The following MOG variants were observed in gnomAD, a reference collection of about 807,000 sequenced individuals.
MOG encodes the protein myelin oligodendrocyte glycoprotein.
A neutral mutation model predicts 35.9 loss-of-function variants in MOG; 20 were observed. That is an observed-to-expected ratio of 0.56 (90% CI 0.39 to 0.81). The LOEUF (loss-of-function observed/expected upper bound fraction) is 0.81, where lower values mean the gene tolerates loss of function less well. MOG is among the 30% of genes least tolerant of loss of function. MOG has a pLI of 0.00. For missense variants in MOG, 251 were observed against 301.0 expected (o/e 0.83, Z 1.23); for synonymous variants, 92 against 114.3 (o/e 0.80, Z 1.25).
At chr6:29,664,541 C>T (rs2256266) in intron 2 of MOG, 85,213 of 416,250 alleles carry the variant, frequency 0.2, 9,966 homozygotes, top group East Asian at 0.27. Flanking sequence ...GAAGAGGGCT[C>T]TTAACCTTTT....
intron 2 of MOG, chr6:29,661,511 A>T (rs1768727918): frequency 1.0e-6 from 1 of 985,146 alleles, no homozygotes. Flanking sequence ...AAACTCCCTC[A>T]GTTTCACCAC....
chr6:29,669,206 C>T (rs142289880), intron 5 of MOG, among the ~76,000 whole-genome samples: 1 of 151,890 alleles, frequency 6.6e-6, no homozygotes, highest in Admixed American at 6.6e-5. Context: ...CGGGCATGAG[C>T]CACCGTGCCC....
At chr6:29,669,480 G>A (rs570210297) in intron 5 of MOG, among the ~76,000 whole-genome samples, 152 of 144,588 alleles carry the variant, frequency 1.1e-3, no homozygotes, top group African/African-American at 3.8e-3. Flanking sequence ...TAGTAGAGAC[G>A]GGGTTTCACC....
At chr6:29,658,958 A>G (rs1023721202) in intron 1 of MOG, among the ~76,000 whole-genome samples, 1 of 152,136 alleles carries the variant, frequency 6.6e-6, no homozygotes, top group Admixed American at 6.5e-5. Flanking sequence ...CTAAAAATAC[A>G]AAAATTAGCT....
At chr6:29,663,030 G>A (rs1402696446) in intron 2 of MOG, among the ~76,000 whole-genome samples, 1 of 152,012 alleles carries the variant, frequency 6.6e-6, no homozygotes, top group Non-Finnish European at 1.5e-5. Context: ...AGTACTTTGG[G>A]AGCCCAAGGA....
At chr6:29,658,430 T>C (rs1417681662) in intron 1 of MOG, among the ~76,000 whole-genome samples, 1 of 152,064 alleles carries the variant, frequency 6.6e-6, no homozygotes, top group Non-Finnish European at 1.5e-5. Flanking sequence ...AGGTGGAAGA[T>C]ACAGGGGAAG....
At chr6:29,671,013 C>T in intron 7 of MOG, 159 bp from the exon 8 acceptor site, 1 of 1,611,878 alleles carries the variant, frequency 6.2e-7, no homozygotes, top group Non-Finnish European at 8.5e-7. Flanking sequence ...TCTCATTGCC[C>T]ATTCCACAGC....
At chr6:29,667,740 C>A (rs926827) in intron 4 of MOG, 77 bp downstream of exon 4, 2 of 1,576,778 alleles carry the variant, frequency 1.3e-6, no homozygotes, top group Admixed American at 3.3e-5. Context: ...CGTTCTTGGA[C>A]CGTCTCTCCC....
In MOG at chr6:29,670,678, T is replaced by C. The variant is rs1323715144; in HGVS notation, c.710-23T>C. On this transcript the variant is annotated intron_variant, in intron 6 of 7. Coordinates refer to ENST00000376917, the MANE Select transcript of MOG (RefSeq NM_206809.4). The surrounding 1 kb of genome is among the most constrained non-coding windows in gnomAD (Gnocchi z 4.2). ...TGCTATTCATCTTCCACTAATCACATATTTGTTTCTTTTTGTTTTCAGGGC... is the reference window on the plus strand; with the variant it reads ...TGCTATTCATCTTCCACTAATCACACATTTGTTTCTTTTTGTTTTCAGGGC... 3 of 1,611,882 alleles carry C rather than the reference T, an allele frequency of 1.9e-6. No individual in the cohort carries two copies. The Admixed American group carries it at 5.0e-5, about 27-fold the overall frequency.
chr6:29,659,361 T>C lies in MOG; in HGVS notation c.131T>C (p.Leu44Pro). The change falls in exon 2 of 8, where the codon CTG (leucine) becomes CCG (proline). Residue 44 changes from leucine (L) to proline (P), a missense_variant. Physicochemically the swap from Leu to Pro is moderately conservative, Grantham distance 98. Coordinates refer to ENST00000376917, the MANE Select transcript of MOG (RefSeq NM_206809.4). ...GGACCAAGACACCCTATCCGGGCTC[T>C]GGTCGGGGATGAAGTGGAATTGCCA... is the stretch of plus-strand genomic sequence containing the variant. ...VIGPRHPIRALVGDEVELPCR... is the reference protein window; with the variant it reads ...VIGPRHPIRAPVGDEVELPCR... 1 of 1,612,994 alleles carries C rather than the reference T, an allele frequency of 6.2e-7. No individual in the cohort carries two copies. The highest frequency in any genetic ancestry group is 8.5e-7 in the Non-Finnish European group (1 of 1,180,010).
At position 29,657,315 on chromosome 6, in the gene MOG, TC is replaced by T; in HGVS notation, c.88+20del. On this transcript the variant is annotated intron_variant, in intron 1 of 7. Coordinates refer to ENST00000376917, the MANE Select transcript of MOG (RefSeq NM_206809.4). Reference sequence around the variant, plus strand: ...CTATGCAGGTAAGACATGTTTTTTTTCCTGCCCTGGGGAGACCCTGAAAACA... The same window carrying T: ...CTATGCAGGTAAGACATGTTTTTTTTCTGCCCTGGGGAGACCCTGAAAACA... The T allele has an allele frequency of 6.4e-7, 1 of 1,550,948 alleles. No homozygotes were observed. The highest frequency in any genetic ancestry group is 8.8e-7 in the Non-Finnish European group (1 of 1,140,630).
chr6:29,671,225 T>C lies in MOG; in HGVS notation c.*40T>C. 1 of 1,612,702 alleles carries C rather than the reference T, an allele frequency of 6.2e-7. No individual in the cohort carries two copies. The highest frequency in any genetic ancestry group is 8.5e-7 in the Non-Finnish European group (1 of 1,179,988). ...TGGCAGGGGTGGAGGAGAGCCTGGT[T>C]GCCCAGGGATTTGTCCTTGGGGACA... On this transcript the variant is annotated 3_prime_UTR_variant, in exon 8 of 8. Transcript: ENST00000376917.
In MOG at chr6:29,659,347, C is replaced by A. The variant is rs1767946826; in HGVS notation, c.117C>A (p.His39Gln). The A allele has an allele frequency of 6.2e-7, 1 of 1,612,760 alleles. No individual in the cohort carries two copies. The highest frequency in any genetic ancestry group is 1.7e-5 in the Admixed American group (1 of 59,986). Residue 39 changes from histidine to glutamine, a missense_variant, in exon 2 of 8, where the codon CAC becomes CAA. Coordinates refer to ENST00000376917, the MANE Select transcript of MOG (RefSeq NM_206809.4). ...AGQFRVIGPR[H>Q]PIRALVGDEV... ...AGTTCAGAGTGATAGGACCAAGACACCCTATCCGGGCTCTGGTCGGGGATG... is the reference window on the plus strand; with the variant it reads ...AGTTCAGAGTGATAGGACCAAGACAACCTATCCGGGCTCTGGTCGGGGATG...
chr6:29,671,379 A>G lies in MOG; in HGVS notation c.*194A>G, dbSNP rs1771424446. ...CTTCTGTCATCTACCTTTTCTCTTCATTTTCCCATTTTTATTACCCTTCTT... is the reference window on the plus strand; with the variant it reads ...CTTCTGTCATCTACCTTTTCTCTTCGTTTTCCCATTTTTATTACCCTTCTT... On this transcript the variant is annotated 3_prime_UTR_variant, in exon 8 of 8. Coordinates refer to ENST00000376917, the MANE Select transcript of MOG (RefSeq NM_206809.4). 6.2e-7 allele frequency: 1 copy of G among 1,612,008 alleles called. No individual in the cohort carries two copies. Among genetic ancestry groups the G allele is most frequent in the Non-Finnish European group, 8.5e-7 (1 of 1,179,674 alleles).
At position 29,671,927 on chromosome 6, in the gene MOG, A is replaced by C. The variant is rs550183554; in HGVS notation, c.*742A>C. ...TATCTTCATATCTATCAGAGTATCC[A>C]CTGTTTATTCAACAACTACTACTTG... On this transcript the variant is annotated 3_prime_UTR_variant, in exon 8 of 8. Coordinates refer to ENST00000376917, the MANE Select transcript of MOG (RefSeq NM_206809.4). 4 of 171,666 alleles carry C rather than the reference A, an allele frequency of 2.3e-5. No homozygotes were observed. The South Asian group carries it at 6.0e-4, about 26-fold the overall frequency. 10.6% of individuals were successfully genotyped at this position (171,666 alleles called of 1,614,324 possible).
intron 3 of MOG, 138 bp downstream of exon 3, chr6:29,666,403 A>G (rs1770227399): frequency 1.6e-6 from 1 of 622,142 alleles, no homozygotes. Context: ...AAAGAAAAAA[A>G]ATAACTCCAT....
At chr6:29,666,363 G>A in intron 3 of MOG, 98 bp downstream of exon 3, 1 of 727,254 alleles carries the variant, frequency 1.4e-6, no homozygotes, top group South Asian at 1.6e-5. Context: ...TGACTTCTGG[G>A]TTCAGAAGTT....
intron 1 of MOG, among the ~76,000 whole-genome samples, chr6:29,658,702 G>T (rs138381511): frequency 7.2e-5 from 11 of 152,330 alleles, no homozygotes; most frequent in African/African-American, 2.6e-4. Flanking sequence ...GTCAGAGATG[G>T]CTACAGCTGG....
chr6:29,667,827 T>C lies in MOG; in HGVS notation c.572-77T>C, dbSNP rs111714216. On this transcript the variant is annotated intron_variant, in intron 4 of 7. Coordinates refer to ENST00000376917, the MANE Select transcript of MOG (RefSeq NM_206809.4). The stretch of plus-strand genomic sequence containing the variant: ...CGTGCCTAGAACAAGTTTTAAGTAA[T>C]TAAATAACAAAGACTCAGGATAAAA... The C allele has an allele frequency of 6.3e-4, 989 of 1,581,230 alleles. 1 individual carries two copies. The highest frequency in any genetic ancestry group is 8.0e-4 in the Non-Finnish European group (924 of 1,150,028).
Sources: allele counts gnomAD v4.1 joint callset (sites outside exome capture counted in the v4.1 genomes callset), GRCh38; gene constraint gnomAD v4.1.1; non-coding constraint Gnocchi (gnomAD v3.1); transcripts MANE v1.5; gene names NCBI Gene and HGNC (gene_info 2026-07-23, HGNC 2026-07-21).